MATR3: variants seen among roughly 807,000 people sequenced by gnomAD.
The protein encoded by MATR3 is matrin 3.
MATR3 carries 4 observed loss-of-function variants against 85.5 expected under a neutral mutation model. That is an observed-to-expected ratio of 0.05 (90% CI 0.02 to 0.11). The LOEUF is 0.11. MATR3 is among the 10% of genes least tolerant of loss of function. MATR3 has a pLI of 1.00. For synonymous variants in MATR3, 336 were observed against 343.1 expected, an observed-to-expected ratio of 0.98 and a Z score of 0.23; for missense variants, 685 against 1,016.1, an observed-to-expected ratio of 0.67 and a Z score of 4.43.
intron 2 of MATR3, chr5:139,278,246 T>TACAC (rs1395370220): frequency 4.2e-5 from 18 of 427,898 alleles, no homozygotes; most frequent in African/African-American, 3.3e-4. Context: ...TATATATATA[T>TACAC]ATACACACAC....
intron 2 of MATR3, chr5:139,312,228 C>G (rs927167986): frequency 6.6e-6 from 1 of 152,200 alleles, no homozygotes; most frequent in Non-Finnish European, 1.5e-5. Context: ...TCTCTACCAC[C>G]CAGGCTCAAG....
chr5:139,312,130 ATTTTATTTTG>A (rs1755015881), intron 2 of MATR3: 1 of 151,796 alleles, frequency 6.6e-6, no homozygotes, highest in South Asian at 2.1e-4. Context: ...TTTTTATTTT[ATTTTATTTTG>A]TTTTATGTTT....
intron 1 of MATR3, among the ~76,000 whole-genome samples, chr5:139,295,947 C>T (rs1330078787): frequency 6.6e-6 from 1 of 152,128 alleles, no homozygotes. Context: ...CCTCAGCCTC[C>T]TGGGTAGCTG....
chr5:139,293,705 C>A (rs759695074), upstream of MATR3: 1 of 339,700 alleles, frequency 2.9e-6, no homozygotes, highest in Non-Finnish European at 5.3e-6. Context: ...CCGCTGCCGC[C>A]GCTTCTCGCC....
intron 1 of MATR3, chr5:139,274,417 G>A: frequency 4.2e-6 from 1 of 238,620 alleles, no homozygotes; most frequent in Non-Finnish European, 8.5e-6. Flanking sequence ...GCCAGAGGCA[G>A]GGACTTTGGA....
rs1165191377 is a variant in MATR3, at chr5:139,286,178, TAA to T, written c.-178+7050_-178+7051del. On this transcript the variant is annotated intron_variant, in intron 3 of 16. Coordinates refer to ENST00000509990, the Ensembl canonical transcript of MATR3. ...CACTGCTAGAAGAGCAGCTACTGGT[TAA>T]GTTTTCTGTTTTTAAGTAGCCTTAA... is the stretch of plus-strand genomic sequence containing the variant. Among the ~76,000 whole-genome samples, 6 of 152,298 alleles carry T rather than the reference TAA, an allele frequency of 3.9e-5. No homozygotes were observed. In the South Asian group the frequency reaches 1.0e-3, roughly 26 times the overall value.
In MATR3 at chr5:139,307,383, T is replaced by A. The variant is rs78286200; in HGVS notation, c.-33T>A. ...CCGTCTTTAAAAAAATTTTTTTTTT[T>A]AATCTATAAAATAGACAAGAGCTAG... On this transcript the variant is annotated 5_prime_UTR_variant, in exon 2 of 15. Coordinates refer to ENST00000394805, the MANE Select transcript of MATR3 (RefSeq NM_018834.6). The surrounding 1 kb of genome is among the most constrained non-coding windows in gnomAD (Gnocchi z 4.4). 2.0e-5 allele frequency: 31 copies of A among 1,579,898 alleles called. No individual in the cohort carries two copies. In the East Asian group the frequency reaches 2.5e-4, roughly 13 times the overall value.
intron 14 of MATR3, among the ~76,000 whole-genome samples, chr5:139,327,914 T>A (rs1257522701): frequency 1.3e-5 from 2 of 152,044 alleles, no homozygotes; most frequent in African/African-American, 4.8e-5. Context: ...CAAGCTGGAG[T>A]GCAATGGCAC....
intron 1 of MATR3, among the ~76,000 whole-genome samples, chr5:139,299,260 C>A (rs1754318795): frequency 6.6e-6 from 1 of 152,198 alleles, no homozygotes; most frequent in Non-Finnish European, 1.5e-5. Context: ...TTTATTTACA[C>A]AAGCATTGAG....
At chr5:139,281,837 CT>C (rs1250757016) in intron 3 of MATR3, among the ~76,000 whole-genome samples, 1 of 152,108 alleles carries the variant, frequency 6.6e-6, no homozygotes, top group African/African-American at 2.4e-5. Context: ...AGAGGAAAAA[CT>C]AAAAATAAGG....
chr5:139,299,300 C>T (rs925017008), intron 1 of MATR3, among the ~76,000 whole-genome samples: 1 of 152,052 alleles, frequency 6.6e-6, no homozygotes, highest in Non-Finnish European at 1.5e-5. Flanking sequence ...AGTAAGCAGA[C>T]GTTTCTGTAA....
chr5:139,298,901 A>C (rs1205038649), intron 1 of MATR3, among the ~76,000 whole-genome samples: 1 of 152,244 alleles, frequency 6.6e-6, no homozygotes, highest in African/African-American at 2.4e-5. Context: ...ATACATAATG[A>C]TACCTATATT....
Position 139,329,389 on chromosome 5 carries a change from A to G in MATR3, c.2538A>G (p.Glu846=), listed in dbSNP as rs747688305. Residue 846 remains glutamate, a synonymous_variant, in exon 15 of 15, where the codon GAA becomes GAG. Coordinates refer to ENST00000394805, the MANE Select transcript of MATR3 (RefSeq NM_018834.6). ...KLAEERRQKK[E]T The stretch of plus-strand genomic sequence containing the variant: ...CAGAAGAACGCAGACAGAAGAAGGA[A>G]ACTTAAGATGTGCAAGGAGATTTAA... The G allele has an allele frequency of 1.4e-4, 224 of 1,611,282 alleles. No homozygotes were observed. The highest frequency in any genetic ancestry group is 1.9e-4 in the Non-Finnish European group (220 of 1,177,996).
chr5:139,326,212 A>G lies in MATR3; in HGVS notation c.2421A>G (p.Ser807=). 1.2e-6 allele frequency: 2 copies of G among 1,612,140 alleles called. No homozygotes were observed. Among genetic ancestry groups the G allele is most frequent in the Non-Finnish European group, 8.5e-7 (1 of 1,178,608 alleles). ...PKTGFYCKLC[S]LFYTNEEVAK... is the part of the protein sequence containing the mutation. ...CAGGGTTTTACTGTAAGCTGTGTTC[A>G]CTCTTTTATACAAATGAAGAAGTTG... Residue 807 remains serine, a synonymous_variant, in exon 14 of 15, where the codon TCA becomes TCG. Transcript: ENST00000394805.
At chr5:139,325,405 G>A in intron 12 of MATR3, 35 bp from the exon 13 acceptor site, 2 of 1,614,028 alleles carry the variant, frequency 1.2e-6, no homozygotes, top group East Asian at 2.2e-5. Flanking sequence ...TTTAAATCTG[G>A]TGACAAAAAT....
Position 139,331,517 on chromosome 5 carries a change from T to G in MATR3, c.*2122T>G, listed in dbSNP as rs1016791905. The G allele has an allele frequency of 4.4e-6, 2 of 454,028 alleles. No individual in the cohort carries two copies. Among genetic ancestry groups the G allele is most frequent in the Non-Finnish European group, 8.8e-6 (2 of 226,804 alleles). The allele number at this position is 454,028 out of a possible 1,614,324, so 28.1% of individuals were successfully genotyped here. Reference sequence around the variant, plus strand: ...TATAATAAGCTGTTAGTGATAAATCTGTAACAGCCCTTCGATTACGAGAAA... The same window carrying G: ...TATAATAAGCTGTTAGTGATAAATCGGTAACAGCCCTTCGATTACGAGAAA... On this transcript the variant is annotated 3_prime_UTR_variant, in exon 15 of 15. Coordinates refer to ENST00000394805, the MANE Select transcript of MATR3 (RefSeq NM_018834.6).
intron 6 of MATR3, among the ~76,000 whole-genome samples, 165 bp downstream of exon 6, chr5:139,317,270 AT>A (rs1027885427): frequency 1.3e-5 from 2 of 152,238 alleles, no homozygotes; most frequent in African/African-American, 4.8e-5. Flanking sequence ...AAAACTTTAA[AT>A]TTTGTATGCC....
chr5:139,277,763 T>TC (rs1753344978), intron 2 of MATR3, among the ~76,000 whole-genome samples: 1 of 101,906 alleles, frequency 9.8e-6, no homozygotes, highest in Admixed American at 8.4e-5. Context: ...CTGCTCGTCT[T>TC]TTTTTTTTTT....
At position 139,308,455 on chromosome 5, in the gene MATR3, C is replaced by G. The variant is rs189493708; in HGVS notation, c.912+128C>G. The G allele has an allele frequency of 7.7e-5, 85 of 1,107,490 alleles. No homozygotes were observed. The African/African-American group carries it at 1.1e-3, about 14-fold the overall frequency. The allele number at this position is 1,107,490 out of a possible 1,614,324, so 68.6% of individuals were successfully genotyped here. ...AAGCATTTTTAAACTTTTGAGAACA[C>G]TTACTTTATTTGGAAGGTAATTGTT... On this transcript the variant is annotated intron_variant, in intron 2 of 14. Coordinates refer to ENST00000394805, the MANE Select transcript of MATR3 (RefSeq NM_018834.6).
Sources: gnomAD v4.1 joint callset for allele counts (sites outside exome capture counted in the v4.1 genomes callset) on GRCh38, gnomAD v4.1.1 for gene constraint, Gnocchi (gnomAD v3.1) non-coding constraint, MANE v1.5 for transcripts, NCBI Gene and HGNC (gene_info 2026-07-23, HGNC 2026-07-21) for gene names.